CAMK2D: variants seen among roughly 807,000 people sequenced by gnomAD.
CAMK2D encodes calcium/calmodulin-dependent protein kinase type II subunit delta.
A neutral mutation model predicts 84.0 loss-of-function variants in CAMK2D; 37 were observed. The ratio of observed to expected loss-of-function variants is 0.44; its 90% confidence interval spans 0.34 to 0.58. CAMK2D has a LOEUF of 0.58. CAMK2D is among the 20% of genes least tolerant of loss of function. The pLI, the probability that CAMK2D is intolerant of heterozygous loss-of-function variation, is 0.02. For synonymous variants in CAMK2D, 202 were observed against 212.5 expected (o/e 0.95, Z 0.43); for missense variants, 448 against 652.5 (o/e 0.69, Z 3.41).
At chr4:113,530,506 G>A (rs1339048576) in intron 8 of CAMK2D, among the ~76,000 whole-genome samples, 1 of 152,100 alleles carries the variant, frequency 6.6e-6, no homozygotes, top group African/African-American at 2.4e-5. Flanking sequence ...TATAAAAATT[G>A]TGGTTGTTAT....
intron 2 of CAMK2D, among the ~76,000 whole-genome samples, chr4:113,663,398 C>A (rs1329211418): frequency 6.6e-6 from 1 of 151,826 alleles, no homozygotes; most frequent in Non-Finnish European, 1.5e-5. Context: ...CAAGCCTGGC[C>A]AACATGGCAA....
At chr4:113,509,825 G>C (rs755588071) in intron 12 of CAMK2D, 150 bp from the exon 13 acceptor site, 2 of 626,894 alleles carry the variant, frequency 3.2e-6, no homozygotes, top group Non-Finnish European at 5.7e-6. Flanking sequence ...TGATGAACGC[G>C]AGCTTACAGG....
intron 6 of CAMK2D, among the ~76,000 whole-genome samples, chr4:113,545,835 C>T (rs2098563689): frequency 6.6e-6 from 1 of 152,170 alleles, no homozygotes; most frequent in Admixed American, 6.5e-5. Context: ...AAGTACTTTC[C>T]CTGCCTTAAA....
intron 4 of CAMK2D, among the ~76,000 whole-genome samples, chr4:113,562,535 T>TCCC (rs1412556726): frequency 6.6e-6 from 1 of 152,228 alleles, no homozygotes; most frequent in African/African-American, 2.4e-5. Context: ...TTATAAAATT[T>TCCC]CCCCATGTGA....
chr4:113,509,299 AT>A (rs1392223863), intron 13 of CAMK2D, among the ~76,000 whole-genome samples: 1 of 152,188 alleles, frequency 6.6e-6, no homozygotes, highest in Non-Finnish European at 1.5e-5. Context: ...TTGGAAAAGC[AT>A]TTGGTTTTTA....
intron 4 of CAMK2D, among the ~76,000 whole-genome samples, chr4:113,553,113 C>T (rs1332859840): frequency 6.6e-6 from 1 of 152,184 alleles, no homozygotes; most frequent in Non-Finnish European, 1.5e-5. Context: ...CAATAAACCA[C>T]ACAGTGTACT....
At chr4:113,755,702 C>T (rs757170527) in intron 2 of CAMK2D, among the ~76,000 whole-genome samples, 3 of 151,892 alleles carry the variant, frequency 2.0e-5, no homozygotes, top group South Asian at 2.1e-4. Flanking sequence ...CACAGCTCTT[C>T]TTGGACTTTA....
At chr4:113,751,345 GCATATAT>G (rs989110996) in intron 2 of CAMK2D, among the ~76,000 whole-genome samples, 2 of 151,914 alleles carry the variant, frequency 1.3e-5, no homozygotes, top group African/African-American at 4.8e-5. Flanking sequence ...GCATAATGTG[GCATATAT>G]CAACTATCCA....
chr4:113,469,260 A>G (rs1404653169), intron 16 of CAMK2D, among the ~76,000 whole-genome samples: 2 of 152,228 alleles, frequency 1.3e-5, no homozygotes, highest in African/African-American at 4.8e-5. Flanking sequence ...AACAATACTC[A>G]GGAATGCAGT....
At chr4:113,729,830 T>C (rs78208263) in intron 2 of CAMK2D, among the ~76,000 whole-genome samples, 1,594 of 152,234 alleles carry the variant, frequency 0.01, 30 homozygotes, top group East Asian at 0.076. Context: ...CTTTCCACCA[T>C]ATGAAAACAC....
At chr4:113,756,705 CT>C in intron 2 of CAMK2D, among the ~76,000 whole-genome samples, 1 of 152,138 alleles carries the variant, frequency 6.6e-6, no homozygotes, top group Non-Finnish European at 1.5e-5. Context: ...GTACTTAACT[CT>C]TACAAGTCAT....
At chr4:113,477,024 CAG>C (rs927507770) in intron 16 of CAMK2D, among the ~76,000 whole-genome samples, 1 of 152,164 alleles carries the variant, frequency 6.6e-6, no homozygotes, top group Non-Finnish European at 1.5e-5. Flanking sequence ...TCCAAGTTCT[CAG>C]AGAGGCAGAT....
chr4:113,637,305 C>T (rs536424868), intron 3 of CAMK2D, among the ~76,000 whole-genome samples: 18 of 152,052 alleles, frequency 1.2e-4, no homozygotes, highest in East Asian at 7.7e-4. Flanking sequence ...TTGTAGGACA[C>T]GTGTAATTCT....
chr4:113,648,257 A>G (rs949902142), intron 3 of CAMK2D, among the ~76,000 whole-genome samples: 4 of 152,236 alleles, frequency 2.6e-5, no homozygotes, highest in African/African-American at 7.2e-5. Flanking sequence ...GCTGTTTTAT[A>G]TATTAAATGT....
chr4:113,707,569 C>G (rs1018135420), intron 2 of CAMK2D, among the ~76,000 whole-genome samples: 3 of 152,158 alleles, frequency 2.0e-5, no homozygotes, highest in African/African-American at 4.8e-5. Flanking sequence ...TGTACCTAGG[C>G]TGGCTCAAGT....
rs2099542640 is a variant in CAMK2D at position 113,725,305 on chromosome 4, A to G, written c.160+34015T>C. Among the ~76,000 whole-genome samples, 3 of 152,260 alleles carry G rather than the reference A, an allele frequency of 2.0e-5. No homozygotes were observed. In the South Asian group the frequency reaches 6.2e-4, roughly 31 times the overall value. On this transcript the variant is annotated intron_variant, in intron 2 of 20. Coordinates refer to ENST00000511664, the MANE Select transcript of CAMK2D (RefSeq NM_001321571.2). ...ATGTAAAGATACACAGTTTACTACT[A>G]ATAGATAACCAGCAACTATTTTTGC... is the stretch of plus-strand genomic sequence containing the variant.
chr4:113,629,356 A>C (rs1400224530), intron 3 of CAMK2D, among the ~76,000 whole-genome samples: 1 of 152,118 alleles, frequency 6.6e-6, no homozygotes, highest in African/African-American at 2.4e-5. Flanking sequence ...ATTTTTTTAA[A>C]TACTTTTTTA....
chr4:113,589,962 A>G (rs1179656700), intron 4 of CAMK2D, among the ~76,000 whole-genome samples: 1 of 152,184 alleles, frequency 6.6e-6, no homozygotes, highest in East Asian at 1.9e-4. Context: ...AATTACCTCT[A>G]TGGTATGGCC....
chr4:113,588,469 G>T (rs912477871), intron 4 of CAMK2D, among the ~76,000 whole-genome samples: 10 of 152,090 alleles, frequency 6.6e-5, no homozygotes, highest in Non-Finnish European at 1.3e-4. Context: ...AACGTATCAT[G>T]ATGTCTCATT....
Sources: gnomAD v4.1 joint callset for allele counts (sites outside exome capture counted in the v4.1 genomes callset) on GRCh38, gnomAD v4.1.1 for gene constraint, MANE v1.5 for transcripts, NCBI Gene and HGNC (gene_info 2026-07-23, HGNC 2026-07-21) for gene names.